The following SMYD2 variants were observed in gnomAD, a reference collection of about 807,000 sequenced individuals.
SMYD2 encodes SET and MYND domain containing 2.
Under a neutral mutation model 59.1 loss-of-function variants are expected in SMYD2, and 53 were observed. The ratio of observed to expected loss-of-function variants is 0.90; its 90% CI spans 0.72 to 1.13. The LOEUF (loss-of-function observed/expected upper bound fraction) is 1.13, where lower values mean the gene tolerates loss of function less well. Among genes scored for constraint, SMYD2 ranks in the 50% most tolerant of loss-of-function variants. The pLI, the probability that SMYD2 is intolerant of heterozygous loss-of-function variation, is 0.00. For synonymous variants in SMYD2, 208 were observed against 198.8 expected (o/e 1.05, Z -0.39); for missense variants, 494 against 544.7 (o/e 0.91, Z 0.93).
intron 11 of SMYD2, among the ~76,000 whole-genome samples, 161 bp downstream of exon 11, chr1:214,334,469 G>T (rs189630683): frequency 1.3e-5 from 2 of 152,236 alleles, no homozygotes; most frequent in Non-Finnish European, 1.5e-5. Flanking sequence ...CTGCAGGTGA[G>T]GGGGGAGTGA....
At chr1:214,316,533 C>G (rs1258905866) in intron 3 of SMYD2, among the ~76,000 whole-genome samples, 1 of 151,994 alleles carries the variant, frequency 6.6e-6, no homozygotes, top group Non-Finnish European at 1.5e-5. Flanking sequence ...TCCACTTCTC[C>G]TGTATACCTA....
intron 9 of SMYD2, 192 bp from the exon 10 acceptor site, chr1:214,331,826 C>T (rs762530283): frequency 3.4e-5 from 20 of 585,114 alleles, no homozygotes; most frequent in South Asian, 2.0e-4. Flanking sequence ...TGAGCGGTTC[C>T]GACCTTCAGG....
chr1:214,302,565 A>C (rs866594561), intron 1 of SMYD2, among the ~76,000 whole-genome samples: 1 of 152,150 alleles, frequency 6.6e-6, no homozygotes, highest in South Asian at 2.1e-4. Flanking sequence ...AATCACTGAG[A>C]TAGGTAGTAG....
chr1:214,330,849 G>A, intron 8 of SMYD2, 101 bp from the exon 9 acceptor site: 2 of 1,556,610 alleles, frequency 1.3e-6, no homozygotes, highest in South Asian at 2.4e-5. Context: ...GAATGGGCCA[G>A]TGTCGACCGC....
At chr1:214,300,641 T>A (rs1438565680) in intron 1 of SMYD2, among the ~76,000 whole-genome samples, 1 of 152,158 alleles carries the variant, frequency 6.6e-6, no homozygotes. Flanking sequence ...AGAGACTATT[T>A]TTGCTGCGTG....
intron 11 of SMYD2, 136 bp downstream of exon 11, chr1:214,334,444 C>A: frequency 1.3e-6 from 1 of 782,240 alleles, no homozygotes; most frequent in South Asian, 1.6e-5. Flanking sequence ...GCCGTGGGAG[C>A]AGCGGGGGTG....
intron 10 of SMYD2, 25 bp from the exon 11 acceptor site, chr1:214,334,175 C>T (rs1411064661): frequency 6.2e-7 from 1 of 1,603,680 alleles, no homozygotes; most frequent in Non-Finnish European, 8.5e-7. Context: ...GACATGGTGG[C>T]CTGTTGTCTC....
At chr1:214,300,925 G>A (rs567399320) in intron 1 of SMYD2, among the ~76,000 whole-genome samples, 3 of 152,162 alleles carry the variant, frequency 2.0e-5, no homozygotes, top group Non-Finnish European at 2.9e-5. Flanking sequence ...ATTGAGAACC[G>A]CAGAGAGCTT....
Position 214,281,463 on chromosome 1 carries a change from C to T in SMYD2, c.173+36C>T, listed in dbSNP as rs747258665. 3 of 1,315,674 alleles carry T rather than the reference C, an allele frequency of 2.3e-6. No homozygotes were observed. In the East Asian group the frequency reaches 9.8e-5, roughly 43 times the overall value. The allele number at this position is 1,315,674 out of a possible 1,614,324, so 81.5% of individuals were successfully genotyped here. Reference sequence around the variant, plus strand: ...GGCGGCGGCGGCGGCGGGCGGGAGCCGGGGGCGCCGAGCGGGAGGCTTGGA... The same window carrying T: ...GGCGGCGGCGGCGGCGGGCGGGAGCTGGGGGCGCCGAGCGGGAGGCTTGGA... On this transcript the variant is annotated intron_variant, in intron 1 of 11. Coordinates refer to ENST00000366957, the MANE Select transcript of SMYD2 (RefSeq NM_020197.3).
chr1:214,315,913 C>G (rs1657078406), intron 3 of SMYD2, among the ~76,000 whole-genome samples: 2 of 152,150 alleles, frequency 1.3e-5, no homozygotes, highest in Non-Finnish European at 2.9e-5. Context: ...ATATCAGCAT[C>G]CAAGATGAAA....
At chr1:214,298,677 G>T (rs956234322) in intron 1 of SMYD2, among the ~76,000 whole-genome samples, 15 of 152,154 alleles carry the variant, frequency 9.9e-5, no homozygotes, top group African/African-American at 3.4e-4. Context: ...AACCTGTGAA[G>T]AAGTTAATTC....
At chr1:214,321,745 G>A (rs1657175685) in intron 5 of SMYD2, among the ~76,000 whole-genome samples, 2 of 152,210 alleles carry the variant, frequency 1.3e-5, no homozygotes, top group African/African-American at 2.4e-5. Flanking sequence ...CTAATTATGA[G>A]AATAGCTTTT....
chr1:214,308,664 C>A (rs1254735660), intron 2 of SMYD2, among the ~76,000 whole-genome samples: 1 of 152,138 alleles, frequency 6.6e-6, no homozygotes, highest in Non-Finnish European at 1.5e-5. Context: ...TAGGCCCTAC[C>A]CCCCTGGAGT....
At chr1:214,316,675 A>G (rs893051037) in intron 3 of SMYD2, among the ~76,000 whole-genome samples, 3 of 152,306 alleles carry the variant, frequency 2.0e-5, no homozygotes, top group Admixed American at 6.5e-5. Context: ...GAACATTTCA[A>G]AACTCTGAGG....
At position 214,318,253 on chromosome 1, in the gene SMYD2, T is replaced by G; in HGVS notation, c.409+114T>G. 1.1e-6 allele frequency: 1 copy of G among 934,020 alleles called. No homozygotes were observed. The highest frequency in any genetic ancestry group is 1.6e-6 in the Non-Finnish European group (1 of 618,386). 57.9% of individuals were successfully genotyped at this position (934,020 alleles called of 1,614,324 possible). ...GTGCTCAGAGGAGTAGTGATTTCTTTGATTACTAGTTTTTATTTTTACTCT... is the reference window on the plus strand; with the variant it reads ...GTGCTCAGAGGAGTAGTGATTTCTTGGATTACTAGTTTTTATTTTTACTCT... On this transcript the variant is annotated intron_variant, in intron 4 of 11. Coordinates refer to ENST00000366957, the MANE Select transcript of SMYD2 (RefSeq NM_020197.3). This position sits in a 1 kb window ranked among gnomAD's most constrained non-coding sequence, Gnocchi z 5.4.
chr1:214,331,939 G>A (rs56403982), intron 9 of SMYD2, 79 bp from the exon 10 acceptor site: 123,451 of 1,397,104 alleles, frequency 0.088, 6,115 homozygotes, highest in Non-Finnish European at 0.1. Flanking sequence ...TGGAGTGGAC[G>A]AAATAACTCC....
intron 1 of SMYD2, among the ~76,000 whole-genome samples, chr1:214,285,834 A>G (rs781370656): frequency 3.9e-5 from 6 of 152,216 alleles, no homozygotes; most frequent in Non-Finnish European, 8.8e-5. Flanking sequence ...CCTAGGCTGT[A>G]TGGTATAGCC....
At chr1:214,305,900 A>G (rs568798092) in intron 2 of SMYD2, among the ~76,000 whole-genome samples, 1 of 152,358 alleles carries the variant, frequency 6.6e-6, no homozygotes, top group African/African-American at 2.4e-5. Context: ...CCAAACTGTT[A>G]TAGTAAACAC....
chr1:214,322,031 C>T (rs981708956), intron 5 of SMYD2, among the ~76,000 whole-genome samples: 1 of 152,100 alleles, frequency 6.6e-6, no homozygotes, highest in Admixed American at 6.5e-5. Context: ...ATAAAGTGAT[C>T]GAGTCTGACT....
Sources: allele counts gnomAD v4.1 joint callset (sites outside exome capture counted in the v4.1 genomes callset), GRCh38; gene constraint gnomAD v4.1.1; non-coding constraint Gnocchi (gnomAD v3.1); transcripts MANE v1.5; gene names NCBI Gene and HGNC (gene_info 2026-07-23, HGNC 2026-07-21).